SLC39A14: variants seen among roughly 807,000 people sequenced by gnomAD.
SLC39A14 encodes the protein solute carrier family 39 member 14, also known as metal cation symporter ZIP14.
In SLC39A14, 19 loss-of-function variants were observed where a neutral mutation model predicts 45.5. The ratio of observed to expected loss-of-function variants is 0.42; its 90% CI spans 0.29 to 0.61. The LOEUF (loss-of-function observed/expected upper bound fraction) is 0.61. Among genes scored for constraint, SLC39A14 ranks in the 20% least tolerant of loss-of-function variants. The probability of loss-of-function intolerance (pLI) is 0.22; values close to 1 mark genes in which losing one functional copy is unlikely to be tolerated. For synonymous variants in SLC39A14, 264 were observed against 251.3 expected (o/e 1.05, Z -0.48); for missense variants, 447 against 616.5 (o/e 0.73, Z 2.91).
At chr8:22,371,728 G>A (rs1832947183) in intron 1 of SLC39A14, among the ~76,000 whole-genome samples, 2 of 146,104 alleles carry the variant, frequency 1.4e-5, no homozygotes, top group Non-Finnish European at 3.0e-5. Context: ...ACTGTGCCCA[G>A]CCAAATCATA....
In SLC39A14 at chr8:22,421,769, G is replaced by C; in HGVS notation, c.*2071G>C. 2 of 983,832 alleles carry C rather than the reference G, an allele frequency of 2.0e-6. No individual in the cohort carries two copies. Among genetic ancestry groups the C allele is most frequent in the Non-Finnish European group, 1.2e-6 (1 of 828,450 alleles). The allele number at this position is 983,832 out of a possible 1,614,324, so 60.9% of individuals were successfully genotyped here. ...CTTAAACATAATACCCTTTGTCTTG[G>C]AGTAGAATACTAAGTTAGAGTTAGT... On this transcript the variant is annotated 3_prime_UTR_variant, in exon 9 of 9. Transcript: ENST00000381237.
intron 2 of SLC39A14, among the ~76,000 whole-genome samples, chr8:22,407,234 A>T (rs1230214439): frequency 6.6e-6 from 1 of 152,188 alleles, no homozygotes; most frequent in Non-Finnish European, 1.5e-5. Flanking sequence ...GCCCTTAGAC[A>T]TTTCAGCTTC....
intron 1 of SLC39A14, among the ~76,000 whole-genome samples, chr8:22,396,451 G>C (rs1367998589): frequency 0.29 from 19 of 66 alleles, 9 homozygotes; most frequent in African/African-American, 0.65. Context: ...AGAGAGAGGG[G>C]GGGGAGAGAG....
At chr8:22,382,852 C>T (rs1369373222) in intron 1 of SLC39A14, among the ~76,000 whole-genome samples, 1 of 151,906 alleles carries the variant, frequency 6.6e-6, no homozygotes, top group African/African-American at 2.4e-5. Context: ...ATAGTTGGAA[C>T]CACAGAGGCA....
chr8:22,423,672 G>A (rs1433697783), downstream of SLC39A14, among the ~76,000 whole-genome samples: 1 of 151,364 alleles, frequency 6.6e-6, no homozygotes, highest in African/African-American at 2.4e-5. Flanking sequence ...CGCCATGTTG[G>A]CCAGGCTGGT....
At position 22,421,796 on chromosome 8, in the gene SLC39A14, GAT is replaced by G. The variant is rs746058856; in HGVS notation, c.*2099_*2100del. ...GTAGAATACTAAGTTAGAGTTAGTGGATTTCTAGTTTAGGAGAGGAGCTCAAA... is the reference window on the plus strand; with the variant it reads ...GTAGAATACTAAGTTAGAGTTAGTGGTTCTAGTTTAGGAGAGGAGCTCAAA... On this transcript the variant is annotated 3_prime_UTR_variant, in exon 9 of 9. Coordinates refer to ENST00000381237, the MANE Select transcript of SLC39A14 (RefSeq NM_001128431.4). 13 of 983,676 alleles carry G rather than the reference GAT, an allele frequency of 1.3e-5. No homozygotes were observed. The highest frequency in any genetic ancestry group is 1.6e-5 in the Non-Finnish European group (13 of 828,352). The allele number at this position is 983,676 out of a possible 1,614,324, so 60.9% of individuals were successfully genotyped here.
chr8:22,391,121 C>T (rs1834049117), intron 1 of SLC39A14, among the ~76,000 whole-genome samples: 1 of 152,180 alleles, frequency 6.6e-6, no homozygotes. Flanking sequence ...TAATTCAGCT[C>T]TTCGAAGGAG....
At chr8:22,417,101 G>T (rs1421469040) in intron 7 of SLC39A14, among the ~76,000 whole-genome samples, 1 of 152,210 alleles carries the variant, frequency 6.6e-6, no homozygotes, top group Non-Finnish European at 1.5e-5. Context: ...CTTTAGGGAC[G>T]ACGTAGGGTC....
At chr8:22,424,058 T>C (rs1280241422), downstream of SLC39A14, among the ~76,000 whole-genome samples, 2 of 152,088 alleles carry the variant, frequency 1.3e-5, no homozygotes, top group Non-Finnish European at 2.9e-5. Flanking sequence ...AGTGCTGGGA[T>C]TATAGGCGCA....
rs140648900 is a variant in SLC39A14 at position 22,415,904 on chromosome 8, G to A, written c.886G>A (p.Gly296Ser). ...TCAGCACTGCAGCAGTGAGCTGGACGGCAAGGCGCCCATGGTGGACGAGAA... is the reference window on the plus strand; with the variant it reads ...TCAGCACTGCAGCAGTGAGCTGGACAGCAAGGCGCCCATGGTGGACGAGAA... ...IPQHCSSELD[G>S]KAPMVDEKVI... The change falls in exon 6 of 9, where the codon GGC (glycine) becomes AGC (serine). Residue 296 changes from glycine to serine, a missense_variant. Physicochemically the swap from Gly to Ser is moderately conservative, Grantham distance 56. This residue lies in a region of SLC39A14 where 342 missense variants were observed against 428.1 expected (regional missense o/e 0.80). Transcript: ENST00000381237. 3.8e-5 allele frequency: 61 copies of A among 1,610,510 alleles called. No homozygotes were observed. In the African/African-American group the frequency reaches 4.3e-4, roughly 11 times the overall value.
intron 1 of SLC39A14, among the ~76,000 whole-genome samples, chr8:22,376,694 A>G (rs1046032142): frequency 2.0e-5 from 3 of 152,208 alleles, no homozygotes; most frequent in Middle Eastern, 3.4e-3. Flanking sequence ...CCTAGCCAAC[A>G]TGGTGAAACC....
intron 1 of SLC39A14, among the ~76,000 whole-genome samples, chr8:22,380,008 C>G (rs1833421833): frequency 6.6e-6 from 1 of 150,650 alleles, no homozygotes; most frequent in Non-Finnish European, 1.5e-5. Flanking sequence ...TAAAAAAACA[C>G]AGTATAAAAA....
Position 22,422,021 on chromosome 8 carries a change from C to T in SLC39A14, c.*2323C>T. On this transcript the variant is annotated 3_prime_UTR_variant, in exon 9 of 9. Transcript: ENST00000381237. ...GCTCACATCGTCTGACTTGAGTCGC[C>T]ACTGATTGTGGCAACAGCTTTGCCT... 1 of 985,458 alleles carries T rather than the reference C, an allele frequency of 1.0e-6. No individual in the cohort carries two copies. The highest frequency in any genetic ancestry group is 1.2e-6 in the Non-Finnish European group (1 of 829,936). 61.0% of individuals were successfully genotyped at this position (985,458 alleles called of 1,614,324 possible).
chr8:22,429,328 T>C (rs770265040), intron 8 of SLC39A14, among the ~76,000 whole-genome samples: 1 of 152,216 alleles, frequency 6.6e-6, no homozygotes, highest in Non-Finnish European at 1.5e-5. Flanking sequence ...AATGGATTCA[T>C]GTCAATTCCA....
chr8:22,417,365 T>C (rs926663998), intron 7 of SLC39A14, among the ~76,000 whole-genome samples: 7 of 152,208 alleles, frequency 4.6e-5, no homozygotes, highest in African/African-American at 1.7e-4. Context: ...AGACGGGTCC[T>C]GAACAGGAAG....
chr8:22,391,402 C>T (rs1489012836), intron 1 of SLC39A14, among the ~76,000 whole-genome samples: 1 of 152,080 alleles, frequency 6.6e-6, no homozygotes, highest in Non-Finnish European at 1.5e-5. Context: ...AATATGCTAG[C>T]TTTTAGTTCA....
chr8:22,415,965 G>T lies in SLC39A14; in HGVS notation c.939+8G>T, dbSNP rs137890800. 6.2e-7 allele frequency: 1 copy of T among 1,600,738 alleles called. No homozygotes were observed. The highest frequency in any genetic ancestry group is 8.5e-7 in the Non-Finnish European group (1 of 1,170,972). Reference sequence around the variant, plus strand: ...GGCTCGCTCTCTGTGCAGGTCAGTGGGCCACCAGCTGCTTGGTGGAGCCTC... The same window carrying T: ...GGCTCGCTCTCTGTGCAGGTCAGTGTGCCACCAGCTGCTTGGTGGAGCCTC... On this transcript the variant is annotated splice_region_variant and intron_variant, in intron 6 of 8. Transcript: ENST00000381237.
Position 22,419,699 on chromosome 8 carries a change from G to T in SLC39A14, c.*1G>T, listed in dbSNP as rs1836114629. On this transcript the variant is annotated 3_prime_UTR_variant, in exon 9 of 9. Coordinates refer to ENST00000381237, the MANE Select transcript of SLC39A14 (RefSeq NM_001128431.4). Reference sequence around the variant, plus strand: ...TTCAGGACAGATCCAGATTGGGTAGGGCTCTGCCAAGAGCCTGTGGGACTG... The same window carrying T: ...TTCAGGACAGATCCAGATTGGGTAGTGCTCTGCCAAGAGCCTGTGGGACTG... 2.5e-6 allele frequency: 4 copies of T among 1,593,844 alleles called. No individual in the cohort carries two copies. Among genetic ancestry groups the T allele is most frequent in the African/African-American group, 2.7e-5 (2 of 74,116 alleles).
At chr8:22,396,877 G>A (rs1834519027) in intron 1 of SLC39A14, among the ~76,000 whole-genome samples, 1 of 152,060 alleles carries the variant, frequency 6.6e-6, no homozygotes, top group Admixed American at 6.6e-5. Flanking sequence ...AGCCATGCGT[G>A]GTGCCTCCTT....
Sources: gnomAD v4.1 joint callset for allele counts (sites outside exome capture counted in the v4.1 genomes callset) on GRCh38, gnomAD v4.1.1 for gene constraint, gnomAD v4.1.1 regional missense constraint, MANE v1.5 for transcripts, NCBI Gene and HGNC (gene_info 2026-07-23, HGNC 2026-07-21) for gene names.